The following IL12RB2 variants were observed in gnomAD, a reference collection of about 807,000 sequenced individuals.
IL12RB2 encodes interleukin-12 receptor subunit beta-2.
A neutral mutation model predicts 89.4 loss-of-function variants in IL12RB2; 82 were observed. The observed-to-expected ratio is 0.92, with a 90% CI of 0.77 to 1.10. IL12RB2 has a LOEUF of 1.10. Ranked by LOEUF, IL12RB2 falls within the 50% of genes least tolerant of loss-of-function variation. The pLI is 0.00. For missense variants in IL12RB2, 963 were observed against 1,031.9 expected (o/e 0.93, Z 0.92); for synonymous variants, 368 against 370.1 (o/e 0.99, Z 0.07).
At chr1:67,329,753 A>G in intron 7 of IL12RB2, 24 bp downstream of exon 7, 2 of 1,529,438 alleles carry the variant, frequency 1.3e-6, no homozygotes, top group Non-Finnish European at 9.1e-7. Context: ...GAGTGAAGGA[A>G]AAAACACTGA....
At chr1:67,357,057 T>C (rs972774505) in intron 10 of IL12RB2, among the ~76,000 whole-genome samples, 5 of 152,134 alleles carry the variant, frequency 3.3e-5, no homozygotes, top group African/African-American at 4.8e-5. Context: ...TATTCACTCT[T>C]AAATATAGCA....
chr1:67,329,523 G>T (rs1322229365), intron 6 of IL12RB2, 64 bp from the exon 7 acceptor site: 2 of 954,408 alleles, frequency 2.1e-6, no homozygotes, highest in African/African-American at 1.6e-5. Flanking sequence ...GCTCATGCCA[G>T]TACATAAGAC....
chr1:67,343,367 C>T (rs937150122), intron 9 of IL12RB2, among the ~76,000 whole-genome samples: 7 of 152,222 alleles, frequency 4.6e-5, no homozygotes, highest in African/African-American at 1.7e-4. Context: ...CAGGTGTGAG[C>T]TACCACACCT....
At chr1:67,384,655 T>G (rs1664951348) in intron 14 of IL12RB2, among the ~76,000 whole-genome samples, 1 of 152,222 alleles carries the variant, frequency 6.6e-6, no homozygotes, top group Non-Finnish European at 1.5e-5. Context: ...TTTTCCAAAC[T>G]TCTATGTTCT....
intron 8 of IL12RB2, among the ~76,000 whole-genome samples, chr1:67,336,428 T>G (rs1408331331): frequency 6.6e-6 from 1 of 152,170 alleles, no homozygotes; most frequent in African/African-American, 2.4e-5. Context: ...CTTTTTTTCT[T>G]TTTGCATCTA....
upstream of IL12RB2, chr1:67,307,819 G>A (rs1398669860): frequency 6.6e-6 from 1 of 152,306 alleles, no homozygotes; most frequent in African/African-American, 2.4e-5. Flanking sequence ...GCGCAGAGGC[G>A]GGAGGCGGAG....
Position 67,372,676 on chromosome 1 carries a change from T to C in IL12RB2, c.1610T>C (p.Ile537Thr), listed in dbSNP as rs1159904886. 2.5e-6 allele frequency: 4 copies of C among 1,612,524 alleles called. No homozygotes were observed. The highest frequency in any genetic ancestry group is 3.4e-6 in the Non-Finnish European group (4 of 1,178,662). Reference sequence around the variant, plus strand: ...GCCATCACAGAGGAAAAGGGGAGCATTTTAATTTCATGGAACAGCATTCCA... The same window carrying C: ...GCCATCACAGAGGAAAAGGGGAGCACTTTAATTTCATGGAACAGCATTCCA... ...INAITEEKGS[I>T]LISWNSIPVQ... Residue 537 changes from isoleucine (I) to threonine (T), a missense_variant, in exon 13 of 17, where the codon ATT becomes ACT. Coordinates refer to ENST00000674203, the MANE Select transcript of IL12RB2 (RefSeq NM_001374259.2).
rs1223256528 is a variant in IL12RB2 at position 67,395,931 on chromosome 1, C to T, written c.2431C>T (p.His811Tyr). The T allele has an allele frequency of 1.2e-6, 2 of 1,611,450 alleles. No individual in the cohort carries two copies. The highest frequency in any genetic ancestry group is 1.7e-6 in the Non-Finnish European group (2 of 1,177,488). The change falls in exon 17 of 17, where the codon CAT becomes TAT. Residue 811 changes from histidine to tyrosine, a missense_variant. Transcript: ENST00000674203. ...LPSNIDDLPSHEAPLADSLEE... is the reference protein window; with the variant it reads ...LPSNIDDLPSYEAPLADSLEE... Reference sequence around the variant, plus strand: ...CTCCAACATAGATGACCTCCCCTCACATGAGGCACCTCTCGCTGACTCTCT... The same window carrying T: ...CTCCAACATAGATGACCTCCCCTCATATGAGGCACCTCTCGCTGACTCTCT...
chr1:67,345,675 T>G (rs944687028), intron 9 of IL12RB2, among the ~76,000 whole-genome samples: 2 of 152,198 alleles, frequency 1.3e-5, no homozygotes, highest in Non-Finnish European at 2.9e-5. Flanking sequence ...GATTGTTTCG[T>G]TGCAATATTC....
At chr1:67,384,446 C>A (rs566184599) in intron 14 of IL12RB2, among the ~76,000 whole-genome samples, 5 of 152,336 alleles carry the variant, frequency 3.3e-5, no homozygotes, top group South Asian at 2.1e-4. Flanking sequence ...GCCCTGAAAA[C>A]CATTTTTCCC....
rs374711279 is a variant in IL12RB2 at position 67,321,192 on chromosome 1, GT to G, written c.77-409del. Among the ~76,000 whole-genome samples the G allele has an allele frequency of 3.2e-4, 48 of 151,922 alleles. No individual in the cohort carries two copies. In the East Asian group the frequency reaches 8.7e-3, roughly 28 times the overall value. On this transcript the variant is annotated intron_variant, in intron 3 of 16. Transcript: ENST00000674203. ...TTTTTTTCTTGGTACAAGTATTTAA[GT>G]AAAAATTATAAATCATAAATGGTGA... is the stretch of plus-strand genomic sequence containing the variant.
intron 9 of IL12RB2, among the ~76,000 whole-genome samples, chr1:67,341,577 AAGAAAGAAAAG>A (rs751375136): frequency 6.8e-5 from 10 of 146,558 alleles, no homozygotes; most frequent in African/African-American, 2.5e-4. Context: ...GAAAGAAAGA[AAGAAAGAAAAG>A]AAAGGAAGGA....
chr1:67,317,156 G>C (rs961717077), intron 2 of IL12RB2, among the ~76,000 whole-genome samples: 1 of 152,138 alleles, frequency 6.6e-6, no homozygotes, highest in Non-Finnish European at 1.5e-5. Flanking sequence ...GGCATGGGAC[G>C]GGCAGGAGTA....
At chr1:67,318,948 A>G (rs1656141010) in intron 2 of IL12RB2, among the ~76,000 whole-genome samples, 2 of 152,178 alleles carry the variant, frequency 1.3e-5, no homozygotes, top group Admixed American at 1.3e-4. Context: ...TCAAGAGGAA[A>G]ACAAAGAGTA....
chr1:67,393,648 G>A (rs1320857711), intron 16 of IL12RB2, among the ~76,000 whole-genome samples: 2 of 152,212 alleles, frequency 1.3e-5, no homozygotes, highest in African/African-American at 4.8e-5. Flanking sequence ...GGCCCTTTGT[G>A]GAAATCTGTT....
chr1:67,397,785 A>G lies in IL12RB2; in HGVS notation c.*1696A>G, dbSNP rs1211939740. Among the ~76,000 whole-genome samples, 3 of 152,218 alleles carry G rather than the reference A, an allele frequency of 2.0e-5. No individual in the cohort carries two copies. Among genetic ancestry groups the G allele is most frequent in the Non-Finnish European group, 4.4e-5 (3 of 68,026 alleles). ...GGGTCCACCCCGTACCCCTTCCCAC[A>G]TGAACGCTGGAACTGAGATGGCTTC... On this transcript the variant is annotated 3_prime_UTR_variant, in exon 17 of 17. Coordinates refer to ENST00000674203, the MANE Select transcript of IL12RB2 (RefSeq NM_001374259.2).
At chr1:67,353,805 T>C (rs1180648722) in intron 10 of IL12RB2, among the ~76,000 whole-genome samples, 1 of 152,242 alleles carries the variant, frequency 6.6e-6, no homozygotes, top group Non-Finnish European at 1.5e-5. Flanking sequence ...TCTGCTGTTT[T>C]TAAAATGAAA....
At chr1:67,391,161 C>G (rs1166700824) in intron 16 of IL12RB2, among the ~76,000 whole-genome samples, 2 of 152,080 alleles carry the variant, frequency 1.3e-5, no homozygotes, top group African/African-American at 2.4e-5. Flanking sequence ...CAAGTTTCAG[C>G]CTCAATAAAA....
At chr1:67,326,671 T>A in intron 4 of IL12RB2, 64 bp from the exon 5 acceptor site, 1 of 1,588,044 alleles carries the variant, frequency 6.3e-7, no homozygotes, top group Non-Finnish European at 8.6e-7. Context: ...TGATGGCAGA[T>A]AATAACAATT....
Sources: allele counts gnomAD v4.1 joint callset (sites outside exome capture counted in the v4.1 genomes callset), GRCh38; gene constraint gnomAD v4.1.1; transcripts MANE v1.5; gene names NCBI Gene and HGNC (gene_info 2026-07-23, HGNC 2026-07-21).